COL4A2: variants seen among roughly 807,000 people sequenced by gnomAD.
COL4A2 encodes collagen alpha-2(IV) chain.
A neutral mutation model predicts 200.2 loss-of-function variants in COL4A2; 99 were observed. The ratio of observed to expected loss-of-function variants is 0.49; its 90% CI spans 0.42 to 0.58. The LOEUF is 0.58. Ranked by LOEUF, COL4A2 falls within the 20% of genes least tolerant of loss-of-function variation. The pLI, the probability that COL4A2 is intolerant of heterozygous loss-of-function variation, is 0.00. For synonymous variants in COL4A2, 897 were observed against 900.6 expected, an observed-to-expected ratio of 1.00 and a Z score of 0.07; for missense variants, 1,950 against 2,314.1, an observed-to-expected ratio of 0.84 and a Z score of 3.23.
intron 4 of COL4A2, among the ~76,000 whole-genome samples, chr13:110,388,010 C>T (rs188440198): frequency 1.5e-3 from 223 of 152,318 alleles, no homozygotes; most frequent in African/African-American, 5.2e-3. Flanking sequence ...AAAGCTTCCC[C>T]GTGGACTGCA....
chr13:110,350,728 T>C (rs189829837), intron 3 of COL4A2, among the ~76,000 whole-genome samples: 9 of 152,272 alleles, frequency 5.9e-5, no homozygotes, highest in Admixed American at 2.0e-4. Context: ...GAAGTCATGC[T>C]AGAAAGCAGG....
rs781210303 is a variant in COL4A2 at position 110,507,991 on chromosome 13, C to G, written c.4651C>G (p.Pro1551Ala). Residue 1551 changes from proline to alanine, a missense_variant, in exon 47 of 48, where the codon CCT (proline) becomes GCT (alanine). Pro to Ala is a conservative substitution (Grantham distance 27). Coordinates refer to ENST00000360467, the MANE Select transcript of COL4A2 (RefSeq NM_001846.4). ...CACCATGCCCTTCCTGTACTGCAAC[C>G]CTGGTGATGTCTGCTACTATGCCAG... ...FSTMPFLYCN[P>A]GDVCYYASRN... The G allele has an allele frequency of 6.2e-7, 1 of 1,614,212 alleles. No individual in the cohort carries two copies. The highest frequency in any genetic ancestry group is 1.1e-5 in the South Asian group (1 of 91,088).
At chr13:110,323,523 T>G (rs1566473009) in intron 3 of COL4A2, among the ~76,000 whole-genome samples, 1 of 152,242 alleles carries the variant, frequency 6.6e-6, no homozygotes, top group Non-Finnish European at 1.5e-5. Context: ...TCTGGGAAGC[T>G]GGGGGCCAGC....
intron 18 of COL4A2, among the ~76,000 whole-genome samples, chr13:110,448,259 T>C (rs555391735): frequency 1.3e-5 from 2 of 152,332 alleles, no homozygotes; most frequent in Non-Finnish European, 2.9e-5. Flanking sequence ...GCTGGCGATG[T>C]TTCTTTTGCA....
chr13:110,310,366 C>T (rs533554517), intron 3 of COL4A2, among the ~76,000 whole-genome samples: 1 of 152,220 alleles, frequency 6.6e-6, no homozygotes, highest in South Asian at 2.1e-4. Flanking sequence ...CCACATGATA[C>T]CAGAATCTGG....
At chr13:110,370,483 C>T (rs908015550) in intron 4 of COL4A2, among the ~76,000 whole-genome samples, 1 of 152,190 alleles carries the variant, frequency 6.6e-6, no homozygotes, top group Non-Finnish European at 1.5e-5. Context: ...TCTTGAACTC[C>T]TGACCTCGTG....
chr13:110,425,428 C>T (rs186800725), intron 6 of COL4A2, among the ~76,000 whole-genome samples: 730 of 152,288 alleles, frequency 4.8e-3, no homozygotes, highest in Non-Finnish European at 7.9e-3. Flanking sequence ...AAACGAAAAA[C>T]AAAAGGCATG....
At chr13:110,407,797 GGA>G (rs1232567067) in intron 4 of COL4A2, among the ~76,000 whole-genome samples, 1 of 152,194 alleles carries the variant, frequency 6.6e-6, no homozygotes, top group Non-Finnish European at 1.5e-5. Context: ...TGAGGACGGG[GGA>G]CAGCAGTGTC....
chr13:110,473,068 C>CG lies in COL4A2; in HGVS notation c.2346dup (p.Pro783AlafsTer14). 2.0e-6 allele frequency: 3 copies of CG among 1,536,194 alleles called. No homozygotes were observed. The highest frequency in any genetic ancestry group is 2.6e-6 in the Non-Finnish European group (3 of 1,141,402). Reference sequence around the variant, plus strand: ...CTGGAGAAGTCCTGGGAGCTCAGCCCGGGCCACGGGGAGATGCTGGTGTGC... The same window carrying CG: ...CTGGAGAAGTCCTGGGAGCTCAGCCCGGGGCCACGGGGAGATGCTGGTGTGC... On this transcript the variant is annotated frameshift_variant, in exon 29 of 48. Transcript: ENST00000360467. LOFTEE classifies it high-confidence loss of function.
intron 47 of COL4A2, 123 bp from the exon 48 acceptor site, chr13:110,511,811 C>A: frequency 6.7e-7 from 1 of 1,483,884 alleles, no homozygotes; most frequent in Non-Finnish European, 9.1e-7. Context: ...TGCCTCATGT[C>A]CGTATTGACA....
At chr13:110,464,868 G>A (rs9521788) in intron 24 of COL4A2, among the ~76,000 whole-genome samples, 2,772 of 151,582 alleles carry the variant, frequency 0.018, 35 homozygotes, top group Middle Eastern at 0.034. Context: ...GCTCCCCCCC[G>A]CACCCTGCAG....
chr13:110,393,060 C>A (rs988753218), intron 4 of COL4A2, among the ~76,000 whole-genome samples: 1 of 152,152 alleles, frequency 6.6e-6, no homozygotes, highest in Non-Finnish European at 1.5e-5. Context: ...TTGATCTCCC[C>A]CTGGTGTCGC....
chr13:110,438,106 C>A, intron 14 of COL4A2, 69 bp downstream of exon 14: 2 of 1,348,830 alleles, frequency 1.5e-6, no homozygotes, highest in Admixed American at 1.8e-5. Context: ...CCAGGCATGA[C>A]GGGGTGCACC....
chr13:110,427,469 G>A (rs997233904), intron 6 of COL4A2, among the ~76,000 whole-genome samples: 1 of 152,076 alleles, frequency 6.6e-6, no homozygotes, highest in African/African-American at 2.4e-5. Context: ...TCTTTATCTT[G>A]AAATTTTCCA....
chr13:110,506,440 G>C lies in COL4A2; in HGVS notation c.4428G>C (p.Pro1476=). 1 of 1,611,924 alleles carries C rather than the reference G, an allele frequency of 6.2e-7. No individual in the cohort carries two copies. Residue 1476 remains proline (P), a synonymous_variant, in exon 46 of 48, where the codon CCG becomes CCC. Coordinates refer to ENST00000360467, the MANE Select transcript of COL4A2 (RefSeq NM_001846.4). Reference sequence around the variant, plus strand: ...GTGCACCAGGCCGTCCAGGGAGCCCGGGCCTGCCGGGTATGCCAGGCCGCA... The same window carrying C: ...GTGCACCAGGCCGTCCAGGGAGCCCCGGCCTGCCGGGTATGCCAGGCCGCA... ...QEGAPGRPGS[P]GLPGMPGRSV...
At chr13:110,488,646 G>A (rs1342478751) in intron 34 of COL4A2, among the ~76,000 whole-genome samples, 2 of 152,200 alleles carry the variant, frequency 1.3e-5, no homozygotes, top group Admixed American at 6.5e-5. Flanking sequence ...TCCCGGTTCT[G>A]CCACTTGCTG....
rs747342940 is a variant in COL4A2, at chr13:110,458,790, A to G, written c.1452A>G (p.Arg484=). Reference sequence around the variant, plus strand: ...CTGCAGGTGACGCTGGGGAATGCAGATGTACAGAAGGCGACGAAGCTATCA... The same window carrying G: ...CTGCAGGTGACGCTGGGGAATGCAGGTGTACAGAAGGCGACGAAGCTATCA... The part of the protein sequence containing the change: ...KGWKGDAGEC[R]CTEGDEAIKG... Residue 484 remains arginine (R), a synonymous_variant, in exon 22 of 48, where the codon AGA becomes AGG. Coordinates refer to ENST00000360467, the MANE Select transcript of COL4A2 (RefSeq NM_001846.4). The G allele has an allele frequency of 3.7e-6, 6 of 1,614,090 alleles. No individual in the cohort carries two copies. The highest frequency in any genetic ancestry group is 1.7e-5 in the Admixed American group (1 of 60,016).
chr13:110,438,817 C>T, intron 15 of COL4A2, 149 bp downstream of exon 15: 2 of 693,492 alleles, frequency 2.9e-6, no homozygotes, highest in East Asian at 2.8e-5. Flanking sequence ...CCCCCACACA[C>T]ACACACAGCA....
intron 3 of COL4A2, among the ~76,000 whole-genome samples, chr13:110,321,411 G>C (rs1254389519): frequency 6.6e-6 from 1 of 152,200 alleles, no homozygotes; most frequent in South Asian, 2.1e-4. Context: ...TTGTGCAACT[G>C]TCACCATTGT....
Sources: gnomAD v4.1 joint callset for allele counts (sites outside exome capture counted in the v4.1 genomes callset) on GRCh38, gnomAD v4.1.1 for gene constraint, MANE v1.5 for transcripts, NCBI Gene and HGNC (gene_info 2026-07-23, HGNC 2026-07-21) for gene names.